The following SYNC variants were observed in gnomAD, a reference collection of about 807,000 sequenced individuals.
SYNC encodes syncoilin.
In SYNC, 38 loss-of-function variants were observed where a neutral mutation model predicts 49.5. The ratio of observed to expected loss-of-function variants is 0.77; its 90% CI spans 0.59 to 1.01. The LOEUF (loss-of-function observed/expected upper bound fraction) is 1.01. Among genes scored for constraint, SYNC ranks in the 50% least tolerant of loss-of-function variants. SYNC has a pLI of 0.00. For missense variants in SYNC, 579 were observed against 580.6 expected (o/e 1.00, Z 0.03); for synonymous variants, 201 against 230.8 (o/e 0.87, Z 1.17).
chr1:32,698,874 C>T (rs539062403), intron 1 of SYNC, among the ~76,000 whole-genome samples: 104 of 151,560 alleles, frequency 6.9e-4, no homozygotes, highest in African/African-American at 1.5e-3. Context: ...TCAACCTCCC[C>T]GGCTCAAGCC....
intron 2 of SYNC, among the ~76,000 whole-genome samples, chr1:32,694,608 C>G (rs1381715026): frequency 6.6e-6 from 1 of 151,286 alleles, no homozygotes; most frequent in African/African-American, 2.4e-5. Flanking sequence ...GAGCTGAGAT[C>G]GCACCACTGC....
At position 32,681,719 on chromosome 1, in the gene SYNC, C is replaced by T. The variant is rs1049861449; in HGVS notation, c.*131G>A. 3.0e-5 allele frequency: 45 copies of T among 1,480,794 alleles called. No homozygotes were observed. The African/African-American group carries it at 6.1e-4, about 20-fold the overall frequency. The allele number at this position is 1,480,794 out of a possible 1,614,324, so 91.7% of individuals were successfully genotyped here. Reference sequence around the variant, plus strand: ...GCAGGTCAGCCAGTATTTGCAACTTCCACAGGATGAATTGCTTGCCAAGTT... The same window carrying T: ...GCAGGTCAGCCAGTATTTGCAACTTTCACAGGATGAATTGCTTGCCAAGTT... On this transcript the variant is annotated 3_prime_UTR_variant, in exon 5 of 5. Transcript: ENST00000409190.
chr1:32,698,214 CAAAAAA>C (rs149634173), intron 1 of SYNC, among the ~76,000 whole-genome samples: 229 of 119,836 alleles, frequency 1.9e-3, no homozygotes, highest in Middle Eastern at 9.0e-3. Context: ...GACTCCATCT[CAAAAAA>C]AAAAAAAAAA....
chr1:32,697,143 T>TA (rs374021943), intron 1 of SYNC, among the ~76,000 whole-genome samples: 5 of 152,118 alleles, frequency 3.3e-5, no homozygotes, highest in African/African-American at 1.2e-4. Flanking sequence ...TCTAAACACT[T>TA]AAAGAGAACC....
intron 1 of SYNC, among the ~76,000 whole-genome samples, chr1:32,697,060 C>T (rs1215447768): frequency 2.0e-5 from 3 of 152,058 alleles, no homozygotes; most frequent in African/African-American, 7.2e-5. Context: ...TTCCTGGTAA[C>T]TTTTAGCCAC....
chr1:32,695,017 G>T lies in SYNC; in HGVS notation c.1081C>A (p.Leu361Met). 1 of 1,614,020 alleles carries T rather than the reference G, an allele frequency of 6.2e-7. No individual in the cohort carries two copies. The highest frequency in any genetic ancestry group is 8.5e-7 in the Non-Finnish European group (1 of 1,180,022). Residue 361 changes from leucine (L) to methionine (M), a missense_variant, in exon 2 of 5, where the codon CTG (leucine) becomes ATG (methionine). Leu to Met is a conservative substitution (Grantham distance 15). Transcript: ENST00000409190. ...LERKEAGTKA[L>M]QRTQAEIQEM... ...TGGATCTCAGCCTGGGTTCTCTGCA[G>T]AGCTTTGGTCCCAGCTTCTTTCCTC...
rs1370302268 is a variant in SYNC at position 32,695,580 on chromosome 1, T to G, written c.518A>C (p.Glu173Ala). Reference protein sequence around the residue: ...MEENLSIEDLELLEGRFQQCV... With the variant: ...MEENLSIEDLALLEGRFQQCV... ...CTGCTGGAAACGCCCCTCTAGCAATTCCAGGTCCTCTATGCTCAGGTTCTC... is the reference window on the plus strand; with the variant it reads ...CTGCTGGAAACGCCCCTCTAGCAATGCCAGGTCCTCTATGCTCAGGTTCTC... Residue 173 changes from glutamate (E) to alanine (A), a missense_variant, in exon 2 of 5, where the codon GAA becomes GCA. Physicochemically the swap from Glu to Ala is moderately radical, Grantham distance 107. Coordinates refer to ENST00000409190, the MANE Select transcript of SYNC (RefSeq NM_030786.3). 6.4e-6 allele frequency: 10 copies of G among 1,551,328 alleles called. No individual in the cohort carries two copies. Among genetic ancestry groups the G allele is most frequent in the Middle Eastern group, 1.7e-4 (1 of 6,014 alleles).
intron 1 of SYNC, among the ~76,000 whole-genome samples, chr1:32,696,453 C>T (rs374021739): frequency 6.6e-6 from 1 of 151,558 alleles, no homozygotes; most frequent in East Asian, 1.9e-4. Context: ...AGCACCACCA[C>T]GCCTTTTTTT....
chr1:32,688,817 A>T (rs981684979), intron 2 of SYNC, among the ~76,000 whole-genome samples: 9 of 151,652 alleles, frequency 5.9e-5, no homozygotes, highest in African/African-American at 2.2e-4. Flanking sequence ...TCCTGACCTC[A>T]TGATCCACTC....
chr1:32,686,076 T>A (rs554817939), intron 2 of SYNC: 2 of 152,314 alleles, frequency 1.3e-5, no homozygotes, highest in Admixed American at 6.5e-5. Flanking sequence ...TAGTCTCAAT[T>A]GAGATGTAAT....
At position 32,695,321 on chromosome 1, in the gene SYNC, C is replaced by G; in HGVS notation, c.777G>C (p.Gln259His). The change falls in exon 2 of 5, where the codon CAG becomes CAC. Residue 259 changes from glutamine (Q) to histidine (H), a missense_variant. Transcript: ENST00000409190. Reference sequence around the variant, plus strand: ...CCACGTCCTGCTGGCGGCACTCCAGCTGGTATTGGTAGGCCACACATTCCT... The same window carrying G: ...CCACGTCCTGCTGGCGGCACTCCAGGTGGTATTGGTAGGCCACACATTCCT... ...VTKECVAYQY[Q>H]LECRQQDVAQ... is the part of the protein sequence containing the mutation. 1 of 1,551,748 alleles carries G rather than the reference C, an allele frequency of 6.4e-7. No homozygotes were observed. Among genetic ancestry groups the G allele is most frequent in the Non-Finnish European group, 8.7e-7 (1 of 1,147,074 alleles).
Position 32,679,992 on chromosome 1 carries a change from T to G in SYNC, c.*1858A>C, listed in dbSNP as rs1649320622. ...ATATTATGTGTGATTATTTTTCTTC[T>G]TATGCTATATCCCCAAGTTTTTCAG... On this transcript the variant is annotated 3_prime_UTR_variant, in exon 5 of 5. Transcript: ENST00000409190. 2 of 1,172,558 alleles carry G rather than the reference T, an allele frequency of 1.7e-6. No homozygotes were observed. Among genetic ancestry groups the G allele is most frequent in the Non-Finnish European group, 2.1e-6 (2 of 949,908 alleles). 72.6% of individuals were successfully genotyped at this position (1,172,558 alleles called of 1,614,324 possible). A position where few individuals can be genotyped will look rare whatever the true frequency, so the allele number is the denominator to read the frequency against.
At chr1:32,699,477 G>A (rs1047446502) in intron 1 of SYNC, among the ~76,000 whole-genome samples, 1 of 151,670 alleles carries the variant, frequency 6.6e-6, no homozygotes, top group Non-Finnish European at 1.5e-5. Context: ...TTCTATCTTA[G>A]AAAGACTACA....
In SYNC at chr1:32,679,925, A is replaced by G. The variant is rs1649316331; in HGVS notation, c.*1925T>C. 2 of 1,292,480 alleles carry G rather than the reference A, an allele frequency of 1.5e-6. No homozygotes were observed. Among genetic ancestry groups the G allele is most frequent in the Middle Eastern group, 3.0e-4 (1 of 3,352 alleles). 80.1% of individuals were successfully genotyped at this position (1,292,480 alleles called of 1,614,324 possible). On this transcript the variant is annotated 3_prime_UTR_variant, in exon 5 of 5. Coordinates refer to ENST00000409190, the MANE Select transcript of SYNC (RefSeq NM_030786.3). ...CTTAACGTTGAAATTTTCTTCAGGA[A>G]TTTTCTAGTAACCCAGGTCTAAAGT...
At position 32,684,261 on chromosome 1, in the gene SYNC, T is replaced by C. The variant is rs201938976; in HGVS notation, c.1355A>G (p.Tyr452Cys). The C allele has an allele frequency of 2.6e-5, 42 of 1,614,238 alleles. No individual in the cohort carries two copies. The highest frequency in any genetic ancestry group is 9.9e-5 in the South Asian group (9 of 91,086). The change falls in exon 3 of 5, where the codon TAT (tyrosine) becomes TGT (cysteine). Residue 452 changes from tyrosine to cysteine, a missense_variant. Transcript: ENST00000409190. ...RLSLAEELST[Y>C]KAMLLPKSLE... ...TTGTATAGCAGCAGAAACTGACTTA[T>C]AAGTAGAGAGCTCTTCAGCAAGACT...
rs778656510 is a variant in SYNC at position 32,695,175 on chromosome 1, G to A, written c.923C>T (p.Ala308Val). 3.2e-6 allele frequency: 5 copies of A among 1,577,102 alleles called. No individual in the cohort carries two copies. The highest frequency in any genetic ancestry group is 1.1e-5 in the South Asian group (1 of 87,666). Residue 308 changes from alanine to valine, a missense_variant, in exon 2 of 5, where the codon GCC (alanine) becomes GTC (valine). Physicochemically the swap from Ala to Val is moderately conservative, Grantham distance 64. Transcript: ENST00000409190. ...QKEQLRQQLE[A>V]PPSQRDGHFL... The stretch of plus-strand genomic sequence containing the variant: ...GTGCCCATCCCTCTGGCTTGGAGGG[G>A]CTTCTAGTTGTTGCCGCAGCTGCTC...
Position 32,681,681 on chromosome 1 carries a change from A to G in SYNC, c.*169T>C, listed in dbSNP as rs1649445741. ...ACATGTTCTGCCTCCGGCCAACTCT[A>G]GAATCTTTTTAAGCAGGTCAGCCAG... is the stretch of plus-strand genomic sequence containing the variant. On this transcript the variant is annotated 3_prime_UTR_variant, in exon 5 of 5. Coordinates refer to ENST00000409190, the MANE Select transcript of SYNC (RefSeq NM_030786.3). 7.0e-6 allele frequency: 7 copies of G among 998,118 alleles called. No individual in the cohort carries two copies. The highest frequency in any genetic ancestry group is 1.1e-5 in the Non-Finnish European group (7 of 653,684). The allele number at this position is 998,118 out of a possible 1,614,324, so 61.8% of individuals were successfully genotyped here.
intron 2 of SYNC, among the ~76,000 whole-genome samples, chr1:32,686,597 A>T (rs1276331979): frequency 6.6e-6 from 1 of 152,218 alleles, no homozygotes; most frequent in African/African-American, 2.4e-5. Flanking sequence ...CACACTAAGG[A>T]TATCGGGAAA....
intron 1 of SYNC, among the ~76,000 whole-genome samples, chr1:32,700,878 C>T (rs1194156268): frequency 1.3e-5 from 2 of 151,966 alleles, no homozygotes; most frequent in Non-Finnish European, 2.9e-5. Context: ...GAGGTAACTA[C>T]AGCACATATA....
Sources: gnomAD v4.1 joint callset for allele counts (sites outside exome capture counted in the v4.1 genomes callset) on GRCh38, gnomAD v4.1.1 for gene constraint, MANE v1.5 for transcripts, NCBI Gene and HGNC (gene_info 2026-07-23, HGNC 2026-07-21) for gene names.